MRPL4: variants seen among roughly 807,000 people sequenced by gnomAD.
MRPL4 encodes the protein mitochondrial ribosomal protein L4.
MRPL4 carries 34 observed loss-of-function variants against 34.1 expected under a neutral mutation model. That is an observed-to-expected ratio of 1.00 (90% CI 0.76 to 1.33). The LOEUF is 1.33. MRPL4 is among the 40% of genes most tolerant of loss of function. The pLI is 0.00. For missense variants in MRPL4, 402 were observed against 434.6 expected (o/e 0.92, Z 0.67); for synonymous variants, 196 against 188.3 (o/e 1.04, Z -0.33).
chr19:10,253,865 G>A (rs190640612), intron 3 of MRPL4, among the ~76,000 whole-genome samples: 2 of 152,198 alleles, frequency 1.3e-5, no homozygotes, highest in Admixed American at 1.3e-4. Flanking sequence ...AAATCACATT[G>A]TAGCATGGGG....
In MRPL4 at chr19:10,252,575, A is replaced by C. The variant is rs113197610; in HGVS notation, c.149A>C (p.Lys50Thr). 25,128 of 1,613,048 alleles carry C rather than the reference A, an allele frequency of 0.016. 272 individuals carry two copies. Among genetic ancestry groups the C allele is most frequent in the Middle Eastern group, 0.035 (212 of 6,060 alleles). ...GGTCTCCCGGAGCCCGTGCTGCGCA[A>C]AGTCGAGCTCCCGGTACCCACTCAT... ...SEGLPEPVLRKVELPVPTHRR... is the reference protein window; with the variant it reads ...SEGLPEPVLRTVELPVPTHRR... Residue 50 changes from lysine to threonine, a missense_variant, in exon 3 of 9, where the codon AAA becomes ACA. Transcript: ENST00000253099.
intron 3 of MRPL4, among the ~76,000 whole-genome samples, chr19:10,253,757 A>G (rs1599250683): frequency 6.6e-6 from 1 of 151,092 alleles, no homozygotes; most frequent in Non-Finnish European, 1.5e-5. Flanking sequence ...ATACTACTGC[A>G]CTCCAGCCTG....
intron 5 of MRPL4, 30 bp from the exon 6 acceptor site, chr19:10,258,192 C>T: frequency 6.5e-7 from 1 of 1,534,894 alleles, no homozygotes; most frequent in Middle Eastern, 1.8e-4. Flanking sequence ...GCAGTGGCCC[C>T]TACCTGCTCA....
chr19:10,257,943 C>A (rs1384771902), intron 5 of MRPL4, among the ~76,000 whole-genome samples: 1 of 151,974 alleles, frequency 6.6e-6, no homozygotes, highest in African/African-American at 2.4e-5. Context: ...AGCTCCTGGG[C>A]TCAAGTGATC....
In MRPL4 at chr19:10,252,595, A is replaced by T. The variant is rs749257644; in HGVS notation, c.169A>T (p.Thr57Ser). The T allele has an allele frequency of 6.2e-7, 1 of 1,612,664 alleles. No individual in the cohort carries two copies. Among genetic ancestry groups the T allele is most frequent in the Non-Finnish European group, 8.5e-7 (1 of 1,179,786 alleles). ...VLRKVELPVP[T>S]HRRPVQAWVE... ...GCGCAAAGTCGAGCTCCCGGTACCC[A>T]CTCATCGACGCCCAGTGCAGGCCTG... is the stretch of plus-strand genomic sequence containing the variant. Residue 57 changes from threonine to serine, a missense_variant, in exon 3 of 9, where the codon ACT (threonine) becomes TCT (serine). Transcript: ENST00000253099.
In MRPL4 at chr19:10,259,610, C is replaced by T. The variant is rs1390548684; in HGVS notation, c.740-7C>T. 2 of 1,549,614 alleles carry T rather than the reference C, an allele frequency of 1.3e-6. No individual in the cohort carries two copies. Among genetic ancestry groups the T allele is most frequent in the Admixed American group, 2.1e-5 (1 of 47,118 alleles). ...GGCCCCCCGCCCCGCCCCCACCCCG[C>T]CCCCAGGCCTAAATGTGCACAGCAT... is the stretch of plus-strand genomic sequence containing the variant. On this transcript the variant is annotated splice_polypyrimidine_tract_variant and splice_region_variant and intron_variant, in intron 8 of 8. Transcript: ENST00000253099.
rs546944714 is a variant in MRPL4 at position 10,252,642 on chromosome 19, C to T, written c.216C>T (p.Phe72=). 5.0e-6 allele frequency: 8 copies of T among 1,609,832 alleles called. No homozygotes were observed. The African/African-American group carries it at 1.1e-4, about 21-fold the overall frequency. The change falls in exon 3 of 9, where the codon TTC becomes TTT. Residue 72 remains phenylalanine, a synonymous_variant. Transcript: ENST00000253099. ...CCTGGGTCGAGTCCTTGCGGGGCTT[C>T]GAGCAGGAGCGCGTGGGCCTGGCCG... The part of the protein sequence containing the change: ...VQAWVESLRG[F]EQERVGLADL...
intron 4 of MRPL4, 91 bp from the exon 5 acceptor site, chr19:10,256,617 T>A: frequency 9.6e-7 from 1 of 1,036,788 alleles, no homozygotes; most frequent in Non-Finnish European, 1.5e-6. Flanking sequence ...TCATGGTGCC[T>A]CCTGTCTGAC....
chr19:10,253,243 A>G (rs564262510), intron 3 of MRPL4, among the ~76,000 whole-genome samples: 22 of 151,552 alleles, frequency 1.5e-4, no homozygotes, highest in Non-Finnish European at 2.5e-4. Context: ...TTGGGAGGCC[A>G]AGGCGGGCGG....
At chr19:10,253,458 A>T (rs2039817739) in intron 3 of MRPL4, among the ~76,000 whole-genome samples, 1 of 130,026 alleles carries the variant, frequency 7.7e-6, no homozygotes, top group Admixed American at 8.4e-5. Flanking sequence ...CATCCTGGGC[A>T]ACACTCTGTC....
At chr19:10,254,263 T>A (rs557624769) in intron 3 of MRPL4, among the ~76,000 whole-genome samples, 33 of 152,344 alleles carry the variant, frequency 2.2e-4, no homozygotes, top group African/African-American at 7.5e-4. Context: ...GTGATCCACC[T>A]GCCTTGGCCT....
At chr19:10,252,500 C>T in intron 2 of MRPL4, 37 bp downstream of exon 2, 5 of 1,613,926 alleles carry the variant, frequency 3.1e-6, no homozygotes, top group Non-Finnish European at 4.2e-6. Context: ...GGGGCGGCGA[C>T]AGAGAGGTCT....
At chr19:10,252,205 C>CA, upstream of MRPL4, 2 of 1,522,392 alleles carry the variant, frequency 1.3e-6, no homozygotes, top group Non-Finnish European at 1.8e-6. Context: ...CGGCGCCTCG[C>CA]GAGGCTCCAG....
chr19:10,259,295 A>ATGTG, intron 8 of MRPL4: 1 of 1,377,622 alleles, frequency 7.3e-7, no homozygotes, highest in South Asian at 1.8e-5. Flanking sequence ...GCCCTGCACG[A>ATGTG]TGTGCCCCGT....
At chr19:10,258,791 AC>A (rs547201880) in intron 8 of MRPL4, 106 bp downstream of exon 8, 2 of 1,608,400 alleles carry the variant, frequency 1.2e-6, no homozygotes, top group South Asian at 2.2e-5. Flanking sequence ...TCAGGCAGTG[AC>A]CACGCTCCCG....
In MRPL4 at chr19:10,252,928, G is replaced by A. The variant is rs528093553; in HGVS notation, c.275+227G>A. 77 of 598,852 alleles carry A rather than the reference G, an allele frequency of 1.3e-4. No individual in the cohort carries two copies. In the African/African-American group the frequency reaches 1.4e-3, roughly 11 times the overall value. The allele number at this position is 598,852 out of a possible 1,614,324, so 37.1% of individuals were successfully genotyped here. On this transcript the variant is annotated intron_variant, in intron 3 of 8. Coordinates refer to ENST00000253099, the MANE Select transcript of MRPL4 (RefSeq NM_015956.3). ...TAAGGGTTAGGGAGACAGAATTCTG[G>A]AGCCCGACTGATTAGGTTCAAATCC...
chr19:10,258,086 CCT>C, intron 5 of MRPL4, 134 bp from the exon 6 acceptor site: 1 of 631,678 alleles, frequency 1.6e-6, no homozygotes, highest in Non-Finnish European at 2.8e-6. Flanking sequence ...TCCAGCCTCC[CCT>C]GAGGCCCCAC....
At position 10,252,649 on chromosome 19, in the gene MRPL4, G is replaced by C. The variant is rs752999846; in HGVS notation, c.223G>C (p.Glu75Gln). The C allele has an allele frequency of 4.7e-5, 75 of 1,608,906 alleles. No individual in the cohort carries two copies. The highest frequency in any genetic ancestry group is 6.3e-5 in the Non-Finnish European group (74 of 1,179,876). The change falls in exon 3 of 9, where the codon GAG becomes CAG. Residue 75 changes from glutamate to glutamine, a missense_variant. Glu to Gln is a conservative substitution (Grantham distance 29). Transcript: ENST00000253099. The part of the protein sequence containing the change: ...WVESLRGFEQ[E>Q]RVGLADLHPD... ...CGAGTCCTTGCGGGGCTTCGAGCAG[G>C]AGCGCGTGGGCCTGGCCGACCTGCA...
intron 8 of MRPL4, chr19:10,259,101 A>AC: frequency 1.1e-6 from 1 of 898,610 alleles, no homozygotes; most frequent in Non-Finnish European, 1.4e-6. Context: ...CTTGTCTCAA[A>AC]AAAAAAAAAA....
Sources: allele counts gnomAD v4.1 joint callset (sites outside exome capture counted in the v4.1 genomes callset), GRCh38; gene constraint gnomAD v4.1.1; transcripts MANE v1.5; gene names NCBI Gene and HGNC (gene_info 2026-07-23, HGNC 2026-07-21).